NEBL: variants seen among roughly 807,000 people sequenced by gnomAD.
NEBL encodes the protein LIM and SH3 protein 2.
A neutral mutation model predicts 140.2 loss-of-function variants in NEBL; 122 were observed. The observed-to-expected ratio is 0.87, with a 90% confidence interval of 0.75 to 1.01. The LOEUF (loss-of-function observed/expected upper bound fraction) is 1.01. Ranked by LOEUF, NEBL falls within the 50% of genes least tolerant of loss-of-function variation. The probability of loss-of-function intolerance (pLI) is 0.00; values close to 1 mark genes in which losing one functional copy is unlikely to be tolerated. For missense variants in NEBL, 1,365 were observed against 1,231.3 expected, an observed-to-expected ratio of 1.11 and a Z score of -1.62; for synonymous variants, 436 against 398.9, an observed-to-expected ratio of 1.09 and a Z score of -1.11.
chr10:21,209,523 C>T (rs1841881944), intron 3 of NEBL, among the ~76,000 whole-genome samples: 1 of 152,012 alleles, frequency 6.6e-6, no homozygotes, highest in Non-Finnish European at 1.5e-5. Context: ...TTCAGGTAGG[C>T]AGCTGGAAGT....
At chr10:20,968,556 T>A (rs151028038) in intron 3 of NEBL, among the ~76,000 whole-genome samples, 1 of 152,026 alleles carries the variant, frequency 6.6e-6, no homozygotes, top group Non-Finnish European at 1.5e-5. Context: ...GGAGGAATCA[T>A]AGAAGTTCAA....
At chr10:20,834,249 G>A (rs1840682151) in intron 14 of NEBL, among the ~76,000 whole-genome samples, 1 of 152,114 alleles carries the variant, frequency 6.6e-6, no homozygotes, top group African/African-American at 2.4e-5. Context: ...GTGTGTACAT[G>A]TGTATGTTTA....
chr10:21,110,732 A>G (rs952750548), intron 2 of NEBL: 1 of 503,708 alleles, frequency 2.0e-6, no homozygotes, highest in Non-Finnish European at 3.9e-6. Context: ...CCCAGAACCA[A>G]CAAAGATTAT....
Position 20,819,519 on chromosome 10 carries a change from G to C in NEBL, c.1963-3C>G. ...TAGTTTTGCTCTTTATACTGGAGCTGAGAGACAAGGTGCAAGACAGTTTGA... is the reference window on the plus strand; with the variant it reads ...TAGTTTTGCTCTTTATACTGGAGCTCAGAGACAAGGTGCAAGACAGTTTGA... On this transcript the variant is annotated splice_polypyrimidine_tract_variant and splice_region_variant and intron_variant, in intron 19 of 27. Transcript: ENST00000377122. The C allele has an allele frequency of 5.0e-6, 8 of 1,613,936 alleles. No homozygotes were observed. The highest frequency in any genetic ancestry group is 6.8e-6 in the Non-Finnish European group (8 of 1,179,852).
At chr10:21,202,465 T>TTTTTC (rs1554832832) in intron 3 of NEBL, among the ~76,000 whole-genome samples, 19 of 144,024 alleles carry the variant, frequency 1.3e-4, no homozygotes, top group African/African-American at 4.4e-4. Flanking sequence ...CTTTTTCTTT[T>TTTTTC]TTTTTTTTTT....
intron 3 of NEBL, among the ~76,000 whole-genome samples, chr10:21,244,231 T>C (rs1455426528): frequency 1.3e-5 from 2 of 152,002 alleles, no homozygotes; most frequent in African/African-American, 4.8e-5. Flanking sequence ...TGTGGCCCGA[T>C]CTTGGCTCAC....
rs1564518106 is a variant in NEBL at position 21,120,409 on chromosome 10, TATATATATATATA to T, written c.164+51961_164+51973del. ...AAAAAAATACATATATATATATATA[TATATATATATATA>T]TAAATTTGATCACTGGTTTAAAGTA... On this transcript the variant is annotated intron_variant, in intron 2 of 6. Transcript: ENST00000417816. 7.0e-4 allele frequency among the ~76,000 whole-genome samples: 88 copies of T among 125,560 alleles called. 3 individuals carry two copies. Among genetic ancestry groups the T allele is most frequent in the African/African-American group, 2.9e-3 (86 of 29,278 alleles). The allele number at this position is 125,560 out of a possible 152,430, so 82.4% of individuals were successfully genotyped here. A position where few individuals can be genotyped will look rare whatever the true frequency, so the allele number is the denominator to read the frequency against.
intron 3 of NEBL, chr10:21,020,081 G>A (rs1319281790): frequency 1.3e-6 from 2 of 1,549,050 alleles, no homozygotes; most frequent in African/African-American, 2.7e-5. Context: ...AAAATCTTTA[G>A]GGCCAAGGGA....
intron 4 of NEBL, among the ~76,000 whole-genome samples, chr10:20,943,242 T>C (rs182921904): frequency 2.7e-4 from 41 of 152,328 alleles, no homozygotes; most frequent in South Asian, 1.0e-3. Context: ...ATATACACCA[T>C]GGAATACTAT....
intron 3 of NEBL, among the ~76,000 whole-genome samples, chr10:20,982,879 TG>T (rs1837109769): frequency 6.6e-6 from 1 of 152,204 alleles, no homozygotes; most frequent in African/African-American, 2.4e-5. Flanking sequence ...AAGTTTTACA[TG>T]GGTTTGAGAA....
At chr10:20,840,651 T>C (rs773326254) in intron 13 of NEBL, 88 bp downstream of exon 13, 8 of 859,590 alleles carry the variant, frequency 9.3e-6, no homozygotes, top group Non-Finnish European at 1.6e-5. Context: ...ATAAAAGTTA[T>C]AGATGTATAG....
chr10:21,145,741 G>T (rs1839860425), intron 2 of NEBL, among the ~76,000 whole-genome samples: 1 of 152,202 alleles, frequency 6.6e-6, no homozygotes, highest in African/African-American at 2.4e-5. Flanking sequence ...GTACTCTTTG[G>T]TGGCTGACAT....
At chr10:21,251,455 A>G (rs1842588300) in intron 2 of NEBL, among the ~76,000 whole-genome samples, 1 of 152,122 alleles carries the variant, frequency 6.6e-6, no homozygotes, top group African/African-American at 2.4e-5. Flanking sequence ...AGATTTTCTC[A>G]GGCTATGTAG....
chr10:20,978,272 ATAGTC>A, intron 3 of NEBL, among the ~76,000 whole-genome samples: 1 of 152,290 alleles, frequency 6.6e-6, no homozygotes, highest in East Asian at 1.9e-4. Flanking sequence ...CTAAGACTGA[ATAGTC>A]TAATCAGAAC....
chr10:21,010,818 G>T (rs1000422033), intron 3 of NEBL, among the ~76,000 whole-genome samples: 1 of 152,216 alleles, frequency 6.6e-6, no homozygotes, highest in African/African-American at 2.4e-5. Context: ...ATCAGTGAAT[G>T]AACAGCATGA....
At chr10:21,013,294 A>T (rs1838418600) in intron 3 of NEBL, among the ~76,000 whole-genome samples, 2 of 152,182 alleles carry the variant, frequency 1.3e-5, no homozygotes, top group Non-Finnish European at 2.9e-5. Context: ...TTGCCTCAAA[A>T]CCTTGAAAAT....
chr10:20,904,374 T>C (rs940155384), intron 4 of NEBL, among the ~76,000 whole-genome samples: 2 of 152,222 alleles, frequency 1.3e-5, no homozygotes, highest in Admixed American at 6.5e-5. Flanking sequence ...CATTTATTAA[T>C]GAGTTAAAAA....
At chr10:21,043,181 C>A (rs904538043) in intron 2 of NEBL, among the ~76,000 whole-genome samples, 6 of 152,156 alleles carry the variant, frequency 3.9e-5, no homozygotes, top group Admixed American at 3.3e-4. Context: ...CAGCAACAGC[C>A]TTTCCTCATT....
At chr10:21,150,575 T>C (rs1840098211) in intron 2 of NEBL, among the ~76,000 whole-genome samples, 1 of 152,212 alleles carries the variant, frequency 6.6e-6, no homozygotes, top group Non-Finnish European at 1.5e-5. Flanking sequence ...CGTGGGGTTG[T>C]TTGGCAAATA....
Sources: allele counts gnomAD v4.1 joint callset (sites outside exome capture counted in the v4.1 genomes callset), GRCh38; gene constraint gnomAD v4.1.1; transcripts MANE v1.5; gene names NCBI Gene and HGNC (gene_info 2026-07-23, HGNC 2026-07-21).